The following PTPRD variants were observed in gnomAD, a reference collection of about 807,000 sequenced individuals.
The protein encoded by PTPRD is receptor-type tyrosine-protein phosphatase delta.
A neutral mutation model predicts 214.5 loss-of-function variants in PTPRD; 34 were observed. The observed-to-expected ratio is 0.16, with a 90% CI of 0.12 to 0.21. The LOEUF (loss-of-function observed/expected upper bound fraction) is 0.21. Among genes scored for constraint, PTPRD ranks in the 10% least tolerant of loss-of-function variants. The pLI, the probability that PTPRD is intolerant of heterozygous loss-of-function variation, is 1.00. For missense variants in PTPRD, 2,545 were observed against 2,398.7 expected, an observed-to-expected ratio of 1.06 and a Z score of -1.27; for synonymous variants, 1,128 against 845.7, an observed-to-expected ratio of 1.33 and a Z score of -5.79.
At chr9:9,954,261 C>G (rs560826808) in intron 4 of PTPRD, among the ~76,000 whole-genome samples, 9 of 134,662 alleles carry the variant, frequency 6.7e-5, no homozygotes, top group Non-Finnish European at 1.2e-4. Context: ...CCACTGCATT[C>G]CAGCCTCGGT....
At chr9:9,219,137 T>G (rs941498184) in intron 9 of PTPRD, among the ~76,000 whole-genome samples, 1 of 152,138 alleles carries the variant, frequency 6.6e-6, no homozygotes, top group South Asian at 2.1e-4. Flanking sequence ...TAGATTTCAA[T>G]GTACAGATAT....
At chr9:8,846,659 T>G (rs1475406946) in intron 11 of PTPRD, among the ~76,000 whole-genome samples, 2 of 151,944 alleles carry the variant, frequency 1.3e-5, no homozygotes, top group East Asian at 3.9e-4. Flanking sequence ...AAAATTACAG[T>G]AGAAAGAGTC....
chr9:8,839,566 C>A (rs940390555), intron 11 of PTPRD, among the ~76,000 whole-genome samples: 2 of 152,134 alleles, frequency 1.3e-5, no homozygotes, highest in East Asian at 3.9e-4. Flanking sequence ...CTCAAGTGAT[C>A]CACCCACCTT....
At chr9:10,253,951 C>T (rs1055218382) in intron 3 of PTPRD, among the ~76,000 whole-genome samples, 5 of 152,022 alleles carry the variant, frequency 3.3e-5, no homozygotes, top group Non-Finnish European at 5.9e-5. Flanking sequence ...TATCCAAAAA[C>T]AAAATTTTAA....
chr9:10,229,720 G>T (rs1487297017), intron 3 of PTPRD, among the ~76,000 whole-genome samples: 1 of 133,394 alleles, frequency 7.5e-6, no homozygotes, highest in Non-Finnish European at 1.6e-5. Context: ...GGGGAGGTGG[G>T]AGGGATAGCA....
At chr9:8,556,626 C>G (rs968841195) in intron 14 of PTPRD, among the ~76,000 whole-genome samples, 1 of 151,878 alleles carries the variant, frequency 6.6e-6, no homozygotes, top group African/African-American at 2.4e-5. Context: ...TCTTTCCTAT[C>G]CAAGGAGTCC....
chr9:8,712,638 C>G (rs1046491883), intron 12 of PTPRD, among the ~76,000 whole-genome samples: 1 of 151,550 alleles, frequency 6.6e-6, no homozygotes, highest in Non-Finnish European at 1.5e-5. Context: ...TCTAATCAAA[C>G]AGCTGATCTC....
At chr9:9,606,429 G>C (rs1296989593) in intron 7 of PTPRD, among the ~76,000 whole-genome samples, 3 of 151,986 alleles carry the variant, frequency 2.0e-5, no homozygotes, top group African/African-American at 4.8e-5. Context: ...ACTATAATTA[G>C]CTTTCAGGTA....
chr9:10,602,481 G>C (rs4143534), intron 2 of PTPRD, among the ~76,000 whole-genome samples: 4,650 of 151,810 alleles, frequency 0.031, 139 homozygotes, highest in East Asian at 0.094. Flanking sequence ...GTAATCTGAA[G>C]ATTAAACCAT....
chr9:9,252,877 A>G (rs1257047404), intron 9 of PTPRD, among the ~76,000 whole-genome samples: 4 of 152,066 alleles, frequency 2.6e-5, no homozygotes, highest in Non-Finnish European at 4.4e-5. Flanking sequence ...GCAAGAGTAG[A>G]AGGAATGAAA....
At chr9:8,721,980 G>A (rs1597961865) in intron 12 of PTPRD, among the ~76,000 whole-genome samples, 1 of 152,224 alleles carries the variant, frequency 6.6e-6, no homozygotes, top group Admixed American at 6.5e-5. Context: ...CCCCTCAGGG[G>A]ACAGTTCTCA....
At chr9:8,727,679 C>A (rs751949859) in intron 12 of PTPRD, among the ~76,000 whole-genome samples, 1 of 151,858 alleles carries the variant, frequency 6.6e-6, no homozygotes, top group Non-Finnish European at 1.5e-5. Flanking sequence ...TGTTTTGAGA[C>A]AGAGTCTCTC....
chr9:8,554,372 T>C lies in PTPRD; in HGVS notation c.353-25593A>G, dbSNP rs558757937. Reference sequence around the variant, plus strand: ...TTGATATCACAGAAATTGATTTTAATATAGAAATATTTTAAATATGGGAAA... The same window carrying C: ...TTGATATCACAGAAATTGATTTTAACATAGAAATATTTTAAATATGGGAAA... On this transcript the variant is annotated intron_variant, in intron 14 of 45. Coordinates refer to ENST00000381196, the MANE Select transcript of PTPRD (RefSeq NM_002839.4). Among the ~76,000 whole-genome samples, 5 of 152,320 alleles carry C rather than the reference T, an allele frequency of 3.3e-5. No homozygotes were observed. In the East Asian group the frequency reaches 9.6e-4, roughly 29 times the overall value.
chr9:8,886,908 T>A (rs1334407290), intron 11 of PTPRD, among the ~76,000 whole-genome samples: 1 of 152,224 alleles, frequency 6.6e-6, no homozygotes, highest in Admixed American at 6.5e-5. Flanking sequence ...TTTTGTTCGG[T>A]TCATGGTAGA....
chr9:8,983,795 G>T (rs184481843), intron 11 of PTPRD, among the ~76,000 whole-genome samples: 1 of 152,050 alleles, frequency 6.6e-6, no homozygotes, highest in Non-Finnish European at 1.5e-5. Context: ...GGGATTACAG[G>T]CATGAGTGCC....
At chr9:9,459,741 A>G (rs2093452164) in intron 8 of PTPRD, among the ~76,000 whole-genome samples, 1 of 152,158 alleles carries the variant, frequency 6.6e-6, no homozygotes, top group South Asian at 2.1e-4. Context: ...AATAGGAATA[A>G]TCAATATCAT....
intron 11 of PTPRD, among the ~76,000 whole-genome samples, chr9:8,826,055 C>T (rs1372298132): frequency 6.6e-6 from 1 of 152,124 alleles, no homozygotes; most frequent in Non-Finnish European, 1.5e-5. Flanking sequence ...TTTTACCCAG[C>T]TTTTAAGATG....
At chr9:8,802,272 T>G (rs2096587066) in intron 11 of PTPRD, among the ~76,000 whole-genome samples, 1 of 152,130 alleles carries the variant, frequency 6.6e-6, no homozygotes. Flanking sequence ...GGTTTTTTGG[T>G]ACAAGTCTGA....
intron 5 of PTPRD, among the ~76,000 whole-genome samples, chr9:9,876,180 AG>A (rs2066811766): frequency 1.3e-5 from 2 of 152,120 alleles, no homozygotes; most frequent in South Asian, 2.1e-4. Flanking sequence ...GAGTCAGGGA[AG>A]GGATAGAGTT....
Sources: gnomAD v4.1 joint callset for allele counts (sites outside exome capture counted in the v4.1 genomes callset) on GRCh38, gnomAD v4.1.1 for gene constraint, MANE v1.5 for transcripts, NCBI Gene and HGNC (gene_info 2026-07-23, HGNC 2026-07-21) for gene names.